GLCCI1: variants seen among roughly 807,000 people sequenced by gnomAD.
GLCCI1 encodes the protein glucocorticoid-induced transcript 1 protein.
GLCCI1 carries 24 observed loss-of-function variants against 52.2 expected under a neutral mutation model. The observed-to-expected ratio is 0.46, with a 90% CI of 0.33 to 0.65. The LOEUF is 0.65. Ranked by LOEUF, GLCCI1 falls within the 30% of genes least tolerant of loss-of-function variation. GLCCI1 has a pLI of 0.02. For missense variants in GLCCI1, 704 were observed against 701.5 expected (o/e 1.00, Z -0.04); for synonymous variants, 310 against 276.5 (o/e 1.12, Z -1.20).
At chr7:8,014,992 T>TTA (rs1303727463) in intron 2 of GLCCI1, among the ~76,000 whole-genome samples, 1 of 152,232 alleles carries the variant, frequency 6.6e-6, no homozygotes, top group African/African-American at 2.4e-5. Flanking sequence ...CTTCAGTCTA[T>TTA]GGAGTTTTAT....
At chr7:7,987,168 A>G (rs765756901) in intron 1 of GLCCI1, among the ~76,000 whole-genome samples, 4 of 152,124 alleles carry the variant, frequency 2.6e-5, no homozygotes, top group East Asian at 3.8e-4. Flanking sequence ...TCATCTCACT[A>G]TCCTCCACTG....
chr7:8,015,447 A>T (rs928190982), intron 2 of GLCCI1, among the ~76,000 whole-genome samples: 4 of 152,208 alleles, frequency 2.6e-5, no homozygotes, highest in African/African-American at 9.7e-5. Context: ...CATGAAATGG[A>T]AGCAAGACTG....
chr7:8,077,768 G>A (rs1402918642), intron 6 of GLCCI1, among the ~76,000 whole-genome samples: 2 of 152,166 alleles, frequency 1.3e-5, no homozygotes, highest in Non-Finnish European at 2.9e-5. Context: ...TGCCAACAAA[G>A]ATATTTTGTA....
intron 5 of GLCCI1, chr7:8,070,540 A>C (rs1782737971): frequency 6.3e-6 from 1 of 159,600 alleles, no homozygotes; most frequent in South Asian, 1.9e-4. Flanking sequence ...TTTTTCTTAC[A>C]AGCAAGTCAA....
At position 8,022,662 on chromosome 7, in the gene GLCCI1, C is replaced by T. The variant is rs531853277; in HGVS notation, c.696+93C>T. 3.9e-5 allele frequency: 23 copies of T among 588,914 alleles called. No homozygotes were observed. The African/African-American group carries it at 4.5e-4, about 11-fold the overall frequency. The allele number at this position is 588,914 out of a possible 1,614,324, so 36.5% of individuals were successfully genotyped here. Reference sequence around the variant, plus strand: ...ATGTAATGACACTTTTAAAATTTATCCTAACCTTACCTCTTTCAGTAAGGT... The same window carrying T: ...ATGTAATGACACTTTTAAAATTTATTCTAACCTTACCTCTTTCAGTAAGGT... On this transcript the variant is annotated intron_variant, in intron 3 of 7. Coordinates refer to ENST00000223145, the MANE Select transcript of GLCCI1 (RefSeq NM_138426.4).
At chr7:8,060,327 C>T in intron 5 of GLCCI1, 79 bp downstream of exon 5, 1 of 1,131,512 alleles carries the variant, frequency 8.8e-7, no homozygotes, top group Non-Finnish European at 1.3e-6. Context: ...TTGGTAACAG[C>T]TTTGTTAAGA....
intron 3 of GLCCI1, among the ~76,000 whole-genome samples, chr7:8,040,664 T>C (rs1781977585): frequency 6.6e-6 from 1 of 152,162 alleles, no homozygotes; most frequent in African/African-American, 2.4e-5. Flanking sequence ...ACATCCACTT[T>C]GGAAAACACT....
chr7:8,001,136 G>A (rs1442734130), intron 1 of GLCCI1, among the ~76,000 whole-genome samples: 5 of 152,276 alleles, frequency 3.3e-5, no homozygotes, highest in African/African-American at 1.2e-4. Flanking sequence ...CCTAGCATCG[G>A]TGGTCTTTAC....
intron 7 of GLCCI1, among the ~76,000 whole-genome samples, chr7:8,085,661 T>A (rs891779317): frequency 6.6e-6 from 1 of 152,036 alleles, no homozygotes; most frequent in Admixed American, 6.6e-5. Context: ...GCTTAGCTCC[T>A]GGGAACGGGA....
intron 3 of GLCCI1, among the ~76,000 whole-genome samples, chr7:8,043,851 C>T (rs1359367937): frequency 6.6e-6 from 1 of 151,578 alleles, no homozygotes; most frequent in East Asian, 1.9e-4. Context: ...TGGGTGAAGA[C>T]CGAACATGAA....
rs184020134 is a variant in GLCCI1, at chr7:8,074,407, A to T, written c.1177+3276A>T. ...CCAAACTCTGGGTTTTGCTATTTTT[A>T]AATATACTAATTATTTCTGTGATCC... On this transcript the variant is annotated intron_variant, in intron 6 of 7. Transcript: ENST00000223145. Among the ~76,000 whole-genome samples the T allele has an allele frequency of 5.6e-3, 849 of 152,192 alleles. 3 individuals carry two copies. The highest frequency in any genetic ancestry group is 0.019 in the African/African-American group (790 of 41,504).
chr7:7,972,958 GT>G (rs924158442), intron 1 of GLCCI1, among the ~76,000 whole-genome samples: 5 of 151,516 alleles, frequency 3.3e-5, no homozygotes, highest in East Asian at 1.9e-4. Context: ...CTTTTTGCTT[GT>G]TTTTTTTCTT....
At position 8,086,565 on chromosome 7, in the gene GLCCI1, T is replaced by C. The variant is rs1421384415; in HGVS notation, c.*27T>C. ...AAAGGGGGAGCTGGCCTCCACCCTA[T>C]GTTCCATGGATTCGGAACAAGATTT... is the stretch of plus-strand genomic sequence containing the variant. On this transcript the variant is annotated 3_prime_UTR_variant, in exon 8 of 8. Coordinates refer to ENST00000223145, the MANE Select transcript of GLCCI1 (RefSeq NM_138426.4). This position sits in a 1 kb window ranked among gnomAD's most constrained non-coding sequence, Gnocchi z 4.4. 6.6e-7 allele frequency: 1 copy of C among 1,519,688 alleles called. No individual in the cohort carries two copies. Among genetic ancestry groups the C allele is most frequent in the Admixed American group, 2.2e-5 (1 of 45,936 alleles). 94.1% of individuals were successfully genotyped at this position (1,519,688 alleles called of 1,614,324 possible).
At chr7:8,006,752 C>G (rs1474838613) in intron 2 of GLCCI1, among the ~76,000 whole-genome samples, 1 of 152,208 alleles carries the variant, frequency 6.6e-6, no homozygotes, top group East Asian at 1.9e-4. Flanking sequence ...TTCAGAGTTA[C>G]ATGCCGGTAT....
At chr7:8,056,557 A>C (rs2127959475) in intron 4 of GLCCI1, among the ~76,000 whole-genome samples, 1 of 152,286 alleles carries the variant, frequency 6.6e-6, no homozygotes. Context: ...ATGGAACAAA[A>C]TAGTAGTGTA....
rs753211940 is a variant in GLCCI1, at chr7:8,086,581, A to T, written c.*43A>T. On this transcript the variant is annotated 3_prime_UTR_variant, in exon 8 of 8. Coordinates refer to ENST00000223145, the MANE Select transcript of GLCCI1 (RefSeq NM_138426.4). The surrounding 1 kb of genome is among the most constrained non-coding windows in gnomAD (Gnocchi z 4.4). Reference sequence around the variant, plus strand: ...TCCACCCTATGTTCCATGGATTCGGAACAAGATTTCAGACATCTGCATGAG... The same window carrying T: ...TCCACCCTATGTTCCATGGATTCGGTACAAGATTTCAGACATCTGCATGAG... 3.8e-5 allele frequency: 57 copies of T among 1,485,694 alleles called. No individual in the cohort carries two copies. Among genetic ancestry groups the T allele is most frequent in the Non-Finnish European group, 5.0e-5 (55 of 1,102,998 alleles). The allele number at this position is 1,485,694 out of a possible 1,614,324, so 92.0% of individuals were successfully genotyped here.
At chr7:8,011,823 G>A (rs1212239636) in intron 2 of GLCCI1, among the ~76,000 whole-genome samples, 1 of 151,010 alleles carries the variant, frequency 6.6e-6, no homozygotes, top group African/African-American at 2.4e-5. Flanking sequence ...TTGTTTTTTT[G>A]TTTGTTTTTT....
intron 7 of GLCCI1, 58 bp downstream of exon 7, chr7:8,085,075 G>A: frequency 1.3e-6 from 2 of 1,595,004 alleles, no homozygotes; most frequent in Non-Finnish European, 1.7e-6. Flanking sequence ...TTTTTACTGA[G>A]ACCAGTTGAT....
chr7:8,084,755 A>G (rs571188356), intron 6 of GLCCI1, 142 bp from the exon 7 acceptor site: 183 of 726,236 alleles, frequency 2.5e-4, no homozygotes, highest in Non-Finnish European at 3.7e-4. Context: ...TACACAGGGT[A>G]TAAGAAATAG....
Sources: gnomAD v4.1 joint callset for allele counts (sites outside exome capture counted in the v4.1 genomes callset) on GRCh38, gnomAD v4.1.1 for gene constraint, Gnocchi (gnomAD v3.1) non-coding constraint, MANE v1.5 for transcripts, NCBI Gene and HGNC (gene_info 2026-07-23, HGNC 2026-07-21) for gene names.